The following TMEM135 variants were observed in gnomAD, a reference collection of about 807,000 sequenced individuals.
TMEM135 encodes peroxisomal membrane protein 52.
TMEM135 carries 30 observed loss-of-function variants against 60.3 expected under a neutral mutation model. The observed-to-expected ratio is 0.50, with a 90% confidence interval of 0.37 to 0.68. TMEM135 has a LOEUF of 0.68. Ranked by LOEUF, TMEM135 falls within the 30% of genes least tolerant of loss-of-function variation. The pLI is 0.00. For missense variants in TMEM135, 468 were observed against 548.8 expected, an observed-to-expected ratio of 0.85 and a Z score of 1.47; for synonymous variants, 190 against 186.7, an observed-to-expected ratio of 1.02 and a Z score of -0.14.
intron 4 of TMEM135, among the ~76,000 whole-genome samples, chr11:87,147,106 G>C (rs961117201): frequency 1.3e-5 from 2 of 152,130 alleles, no homozygotes; most frequent in Admixed American, 1.3e-4. Context: ...GGGATCACCT[G>C]AAGTCAGGAG....
chr11:87,181,937 C>A (rs1225030215), intron 5 of TMEM135, among the ~76,000 whole-genome samples: 1 of 148,204 alleles, frequency 6.7e-6, no homozygotes, highest in Non-Finnish European at 1.5e-5. Context: ...ATTCAATTTC[C>A]TTTTGAATGA....
chr11:87,113,350 C>G (rs1467718673), intron 4 of TMEM135, among the ~76,000 whole-genome samples: 2 of 152,002 alleles, frequency 1.3e-5, no homozygotes, highest in Admixed American at 1.3e-4. Context: ...CTAAAATGCA[C>G]CTTGACAATG....
At chr11:87,102,633 A>G (rs1481430823) in intron 4 of TMEM135, among the ~76,000 whole-genome samples, 2 of 150,340 alleles carry the variant, frequency 1.3e-5, no homozygotes, top group South Asian at 4.2e-4. Flanking sequence ...TTAATTGACA[A>G]GTCATAATTG....
Position 87,322,112 on chromosome 11 carries a change from G to A in TMEM135, c.*779G>A, listed in dbSNP as rs1427040981. On this transcript the variant is annotated 3_prime_UTR_variant, in exon 15 of 15. Transcript: ENST00000305494. Reference sequence around the variant, plus strand: ...AATCTTTCACAGAAGTATTACACTTGAATATTTAAAAACAAAACTTTTAAA... The same window carrying A: ...AATCTTTCACAGAAGTATTACACTTAAATATTTAAAAACAAAACTTTTAAA... 1 of 453,436 alleles carries A rather than the reference G, an allele frequency of 2.2e-6. No homozygotes were observed. 28.1% of individuals were successfully genotyped at this position (453,436 alleles called of 1,614,324 possible). A position where few individuals can be genotyped will look rare whatever the true frequency, so the allele number is the denominator to read the frequency against.
intron 5 of TMEM135, among the ~76,000 whole-genome samples, chr11:87,180,536 C>T (rs1349013388): frequency 6.6e-6 from 1 of 152,058 alleles, no homozygotes; most frequent in Non-Finnish European, 1.5e-5. Context: ...TAAATCTGTG[C>T]ATGAAGACCC....
chr11:87,208,194 G>A (rs894334030), intron 5 of TMEM135, among the ~76,000 whole-genome samples: 4 of 152,142 alleles, frequency 2.6e-5, no homozygotes, highest in Non-Finnish European at 5.9e-5. Context: ...CCAAACGATC[G>A]CAATAGCTCC....
intron 4 of TMEM135, chr11:87,120,938 G>A (rs774886670): frequency 1.2e-4 from 19 of 152,078 alleles, no homozygotes; most frequent in Non-Finnish European, 2.5e-4. Context: ...CATATGTTTT[G>A]TACATTGAAT....
At chr11:87,262,173 A>T (rs752853614) in intron 6 of TMEM135, among the ~76,000 whole-genome samples, 1 of 151,976 alleles carries the variant, frequency 6.6e-6, no homozygotes, top group Non-Finnish European at 1.5e-5. Context: ...AACCATGAAC[A>T]TTGTTTTTAA....
rs2134554577 is a variant in TMEM135, at chr11:87,328,402, T to A, written c.*7069T>A. On this transcript the variant is annotated 3_prime_UTR_variant, in exon 15 of 15. Transcript: ENST00000305494. ...TAGCTTTTGGGGTACAAGTGGTTTT[T>A]GGTTGCATGGATGAATTGTATATTG... The A allele has an allele frequency of 2.2e-6, 1 of 454,104 alleles. No homozygotes were observed. The highest frequency in any genetic ancestry group is 2.3e-5 in the Admixed American group (1 of 42,564). The allele number at this position is 454,104 out of a possible 1,614,324, so 28.1% of individuals were successfully genotyped here. A position where few individuals can be genotyped will look rare whatever the true frequency, so the allele number is the denominator to read the frequency against.
intron 5 of TMEM135, among the ~76,000 whole-genome samples, chr11:87,175,506 T>C (rs948095643): frequency 3.3e-5 from 5 of 152,370 alleles, no homozygotes; most frequent in African/African-American, 1.2e-4. Flanking sequence ...GAGATGATTA[T>C]CTTTTGAAAT....
intron 5 of TMEM135, among the ~76,000 whole-genome samples, chr11:87,229,412 T>C (rs1278642468): frequency 1.3e-5 from 2 of 152,118 alleles, no homozygotes; most frequent in African/African-American, 4.8e-5. Flanking sequence ...GAAATAATAT[T>C]TCTTTCACCC....
intron 5 of TMEM135, among the ~76,000 whole-genome samples, chr11:87,162,700 T>A (rs948880020): frequency 1.3e-5 from 2 of 152,202 alleles, no homozygotes; most frequent in African/African-American, 4.8e-5. Context: ...TGTGTCTTTA[T>A]AGTAGAGTGA....
chr11:87,259,067 G>A, intron 6 of TMEM135: 2 of 1,291,070 alleles, frequency 1.5e-6, no homozygotes, highest in Non-Finnish European at 2.2e-6. Flanking sequence ...GCCACAAAGA[G>A]GGAGAGAAAG....
intron 4 of TMEM135, among the ~76,000 whole-genome samples, chr11:87,132,938 A>G (rs1937978447): frequency 6.6e-6 from 1 of 152,200 alleles, no homozygotes; most frequent in African/African-American, 2.4e-5. Context: ...CAGCACCACT[A>G]TTTGTGCACT....
chr11:87,224,526 CATA>C (rs910014000), intron 5 of TMEM135, among the ~76,000 whole-genome samples: 4 of 152,022 alleles, frequency 2.6e-5, no homozygotes, highest in African/African-American at 9.7e-5. Flanking sequence ...GGAGGAAAAA[CATA>C]ATATCACCTT....
chr11:87,188,211 G>A (rs1054461255), intron 5 of TMEM135, among the ~76,000 whole-genome samples: 5 of 152,084 alleles, frequency 3.3e-5, no homozygotes, highest in African/African-American at 1.2e-4. Context: ...TTGTTCATAC[G>A]CCACCCCTCA....
intron 7 of TMEM135, among the ~76,000 whole-genome samples, chr11:87,301,678 C>T (rs1255004988): frequency 6.6e-6 from 1 of 152,162 alleles, no homozygotes; most frequent in Non-Finnish European, 1.5e-5. Context: ...GGCAATGACT[C>T]TTACAGGATA....
intron 5 of TMEM135, chr11:87,178,504 C>T (rs975471903): frequency 2.2e-6 from 1 of 456,148 alleles, no homozygotes; most frequent in Non-Finnish European, 4.4e-6. Context: ...CAGCTCCCTG[C>T]AGCCTCTGCC....
At chr11:87,200,423 T>G (rs886813087) in intron 5 of TMEM135, among the ~76,000 whole-genome samples, 3 of 152,226 alleles carry the variant, frequency 2.0e-5, no homozygotes, top group Non-Finnish European at 2.9e-5. Flanking sequence ...ATTTTTCTTC[T>G]TCATTACAGA....
Sources: gnomAD v4.1 joint callset for allele counts (sites outside exome capture counted in the v4.1 genomes callset) on GRCh38, gnomAD v4.1.1 for gene constraint, MANE v1.5 for transcripts, NCBI Gene and HGNC (gene_info 2026-07-23, HGNC 2026-07-21) for gene names.